Variants in ALK observed in about 807,000 individuals in gnomAD.
The protein encoded by ALK is ALK tyrosine kinase receptor.
In ALK, 74 loss-of-function variants were observed where a neutral mutation model predicts 163.1. The ratio of observed to expected loss-of-function variants is 0.45; its 90% CI spans 0.38 to 0.55. ALK has a LOEUF of 0.55. Ranked by LOEUF, ALK falls within the 20% of genes least tolerant of loss-of-function variation. The pLI, the probability that ALK is intolerant of heterozygous loss-of-function variation, is 0.00. For synonymous variants in ALK, 960 were observed against 843.2 expected, an observed-to-expected ratio of 1.14 and a Z score of -2.40; for missense variants, 2,063 against 2,105.3, an observed-to-expected ratio of 0.98 and a Z score of 0.39.
In ALK at chr2:29,676,966, A is replaced by G. The variant is rs180775877; in HGVS notation, c.952+17884T>C. Among the ~76,000 whole-genome samples the G allele has an allele frequency of 4.6e-5, 7 of 152,056 alleles. No homozygotes were observed. In the East Asian group the frequency reaches 1.4e-3, roughly 29 times the overall value. ...AACATAGAAATACAGTTAGTTTTTT[A>G]ATATTGATTTTGTATCTGTGGCCTT... On this transcript the variant is annotated intron_variant, in intron 3 of 28. Coordinates refer to ENST00000389048, the MANE Select transcript of ALK (RefSeq NM_004304.5).
chr2:29,726,000 C>T (rs1165411732), intron 1 of ALK, among the ~76,000 whole-genome samples: 1 of 152,216 alleles, frequency 6.6e-6, no homozygotes, highest in African/African-American at 2.4e-5. Context: ...TGGCCCTGAA[C>T]CCCTGCTGCA....
chr2:29,230,941 T>C (rs893798990), intron 15 of ALK, among the ~76,000 whole-genome samples: 1 of 150,034 alleles, frequency 6.7e-6, no homozygotes, highest in Admixed American at 6.6e-5. Context: ...AGCCCCCAGC[T>C]GAGGAGGTTT....
At chr2:29,341,718 G>A (rs11889376) in intron 5 of ALK, among the ~76,000 whole-genome samples, 3,840 of 152,260 alleles carry the variant, frequency 0.025, 178 homozygotes, top group African/African-American at 0.087. Context: ...TTCCAGCTAG[G>A]GGGGAGAGGA....
intron 3 of ALK, among the ~76,000 whole-genome samples, chr2:29,606,702 T>C: frequency 6.6e-6 from 1 of 152,250 alleles, no homozygotes; most frequent in East Asian, 1.9e-4. Context: ...GTTCACCTAT[T>C]GTCTATGGTT....
chr2:29,360,322 G>C (rs1668357519), intron 5 of ALK, among the ~76,000 whole-genome samples: 1 of 152,154 alleles, frequency 6.6e-6, no homozygotes. Context: ...TATTTAGTCT[G>C]AGTGGACTCC....
At chr2:29,410,583 T>C (rs926399725) in intron 4 of ALK, among the ~76,000 whole-genome samples, 4 of 152,248 alleles carry the variant, frequency 2.6e-5, no homozygotes, top group African/African-American at 9.6e-5. Context: ...GGCTATATAG[T>C]ATGGCCTATT....
At chr2:29,392,644 G>A (rs1465325029) in intron 4 of ALK, among the ~76,000 whole-genome samples, 1 of 152,222 alleles carries the variant, frequency 6.6e-6, no homozygotes, top group South Asian at 2.1e-4. Flanking sequence ...AGGCCAGAAG[G>A]TAGGAGACGA....
chr2:29,484,357 A>G (rs1425632469), intron 4 of ALK, among the ~76,000 whole-genome samples: 1 of 152,086 alleles, frequency 6.6e-6, no homozygotes, highest in Non-Finnish European at 1.5e-5. Flanking sequence ...GTATATATCT[A>G]TATATACAAG....
chr2:29,765,231 G>A (rs1275462087), intron 1 of ALK, among the ~76,000 whole-genome samples: 1 of 152,180 alleles, frequency 6.6e-6, no homozygotes, highest in Non-Finnish European at 1.5e-5. Flanking sequence ...ACAGTTCTGT[G>A]AAAGCATTGC....
At chr2:29,194,712 T>C (rs1668981325) in intron 28 of ALK, among the ~76,000 whole-genome samples, 1 of 134,378 alleles carries the variant, frequency 7.4e-6, no homozygotes, top group Non-Finnish European at 1.5e-5. Context: ...CAAGGTTTCA[T>C]TCAACATGTT....
In ALK at chr2:29,920,971, C is replaced by A. The variant is rs886055936; in HGVS notation, c.-312G>T. ...CCGCGCCCCCGTCTGTAGCTCGCTG[C>A]GCTCGGTACAGAGGAACTACTATGG... On this transcript the variant is annotated 5_prime_UTR_variant, in exon 1 of 29. Transcript: ENST00000389048. 4.2e-6 allele frequency: 2 copies of A among 471,086 alleles called. No homozygotes were observed. The highest frequency in any genetic ancestry group is 3.7e-5 in the East Asian group (1 of 27,336). The allele number at this position is 471,086 out of a possible 1,614,324, so 29.2% of individuals were successfully genotyped here.
chr2:29,264,015 C>G lies in ALK; in HGVS notation c.2041+11084G>C, dbSNP rs569149028. Among the ~76,000 whole-genome samples, 3 of 152,344 alleles carry G rather than the reference C, an allele frequency of 2.0e-5. No homozygotes were observed. In the South Asian group the frequency reaches 6.2e-4, roughly 32 times the overall value. On this transcript the variant is annotated intron_variant, in intron 11 of 28. Transcript: ENST00000389048. ...TGAACAGAGAATCCTGCTGCTGTCT[C>G]TCAAACAGCAATGCCAGCCTGGATT...
At chr2:29,359,899 T>C (rs1668348057) in intron 5 of ALK, among the ~76,000 whole-genome samples, 1 of 152,214 alleles carries the variant, frequency 6.6e-6, no homozygotes, top group Non-Finnish European at 1.5e-5. Context: ...TGCTTCCTCA[T>C]CACTGAGAAG....
chr2:29,624,429 G>A (rs1387736105), intron 3 of ALK, among the ~76,000 whole-genome samples: 6 of 152,204 alleles, frequency 3.9e-5, no homozygotes, highest in Non-Finnish European at 2.9e-5. Flanking sequence ...GGAAATGAGA[G>A]GACACAGCTG....
At position 29,803,366 on chromosome 2, in the gene ALK, A is replaced by C. The variant is rs528392046; in HGVS notation, c.668-85669T>G. Among the ~76,000 whole-genome samples the C allele has an allele frequency of 2.5e-4, 38 of 152,362 alleles. 1 individual carries two copies. The highest frequency in any genetic ancestry group is 1.4e-3 in the South Asian group (7 of 4,830). On this transcript the variant is annotated intron_variant, in intron 1 of 28. Coordinates refer to ENST00000389048, the MANE Select transcript of ALK (RefSeq NM_004304.5). ...ATAGAGTCAGACTCTTATTTGCTTG[A>C]ATTCCACTGATTCCTTAATAATAAC...
rs1664678270 is a variant in ALK at position 29,246,631 on chromosome 2, G to A, written c.2204+4474C>T. 6.6e-6 allele frequency among the ~76,000 whole-genome samples: 1 copy of A among 152,116 alleles called. No individual in the cohort carries two copies. Among genetic ancestry groups the A allele is most frequent in the South Asian group, 2.1e-4 (1 of 4,834 alleles). On this transcript the variant is annotated intron_variant, in intron 12 of 28. Coordinates refer to ENST00000389048, the MANE Select transcript of ALK (RefSeq NM_004304.5). The surrounding 1 kb of genome is among the most constrained non-coding windows in gnomAD (Gnocchi z 4.3). ...CTTTGTCCTCGCTTCCTCAGTCCAT[G>A]CCAGAGCGTGGATGTAGTCCCAGCG...
intron 3 of ALK, among the ~76,000 whole-genome samples, chr2:29,651,346 C>A (rs755812026): frequency 6.6e-6 from 1 of 152,120 alleles, no homozygotes; most frequent in Non-Finnish European, 1.5e-5. Context: ...AATTATGATA[C>A]CTTAAACATT....
intron 4 of ALK, among the ~76,000 whole-genome samples, chr2:29,488,250 A>G (rs1044709358): frequency 5.3e-5 from 8 of 152,182 alleles, no homozygotes; most frequent in African/African-American, 1.9e-4. Flanking sequence ...ACAAGTTCCT[A>G]CTATTTACTT....
chr2:29,750,669 A>C (rs549380637), intron 1 of ALK, among the ~76,000 whole-genome samples: 10 of 133,550 alleles, frequency 7.5e-5, no homozygotes, highest in African/African-American at 2.8e-4. Flanking sequence ...GGAAGGAAGG[A>C]AGGAAGGAAG....
Sources: gnomAD v4.1 joint callset for allele counts (sites outside exome capture counted in the v4.1 genomes callset) on GRCh38, gnomAD v4.1.1 for gene constraint, Gnocchi (gnomAD v3.1) non-coding constraint, MANE v1.5 for transcripts, NCBI Gene and HGNC (gene_info 2026-07-23, HGNC 2026-07-21) for gene names.